OSBPL10: variants seen among roughly 807,000 people sequenced by gnomAD.
OSBPL10 encodes the protein oxysterol binding protein like 10, also known as oxysterol-binding protein-related protein 10.
Under a neutral mutation model 81.7 loss-of-function variants are expected in OSBPL10, and 49 were observed. That is an observed-to-expected ratio of 0.60 (90% CI 0.48 to 0.76). The LOEUF is 0.76. Ranked by LOEUF, OSBPL10 falls within the 30% of genes least tolerant of loss-of-function variation. The probability of loss-of-function intolerance (pLI) is 0.00; values close to 1 mark genes in which losing one functional copy is unlikely to be tolerated. For missense variants in OSBPL10, 923 were observed against 987.8 expected (o/e 0.93, Z 0.88); for synonymous variants, 419 against 383.6 (o/e 1.09, Z -1.08).
chr3:31,766,412 T>C (rs1469869598), intron 4 of OSBPL10, among the ~76,000 whole-genome samples: 2 of 148,142 alleles, frequency 1.4e-5, no homozygotes, highest in East Asian at 4.1e-4. Context: ...GCACAATCAT[T>C]GCTCATTGCA....
intron 6 of OSBPL10, among the ~76,000 whole-genome samples, chr3:31,728,516 C>T (rs780906567): frequency 3.9e-5 from 6 of 152,204 alleles, no homozygotes; most frequent in Admixed American, 1.3e-4. Context: ...TTATCAAATG[C>T]TCTTCAACTA....
In OSBPL10 at chr3:31,867,674, C is replaced by A. The variant is rs572030882; in HGVS notation, c.537+8759G>T. 5.4e-5 allele frequency among the ~76,000 whole-genome samples: 8 copies of A among 147,214 alleles called. No homozygotes were observed. The East Asian group carries it at 1.3e-3, about 23-fold the overall frequency. On this transcript the variant is annotated intron_variant, in intron 3 of 11. Transcript: ENST00000396556. ...AAGAGAATTGCTTGAACCTGGGAGG[C>A]GGAGGTTGCAGTGAGCCAAGATCAG... is the stretch of plus-strand genomic sequence containing the variant.
chr3:31,865,143 T>C (rs1021426178), intron 3 of OSBPL10, among the ~76,000 whole-genome samples: 2 of 152,206 alleles, frequency 1.3e-5, no homozygotes, highest in Non-Finnish European at 2.9e-5. Flanking sequence ...GAACTGTTCA[T>C]TGTGCAAGAG....
intron 4 of OSBPL10, among the ~76,000 whole-genome samples, chr3:31,752,909 C>T (rs938589871): frequency 1.1e-4 from 16 of 152,216 alleles, no homozygotes; most frequent in African/African-American, 3.4e-4. Context: ...ACAAACATTC[C>T]TAATCCTAAA....
intron 4 of OSBPL10, among the ~76,000 whole-genome samples, chr3:31,803,345 T>TA (rs1392765498): frequency 6.6e-6 from 1 of 152,188 alleles, no homozygotes; most frequent in Non-Finnish European, 1.5e-5. Context: ...GCCAAGTCTA[T>TA]AGCACCGTGA....
At chr3:31,740,137 A>G (rs7615996) in intron 5 of OSBPL10, among the ~76,000 whole-genome samples, 86,696 of 150,548 alleles carry the variant, frequency 0.58, 27,428 homozygotes, top group African/African-American at 0.84. Flanking sequence ...TCTGCCTCCC[A>G]TGTTCAAGTG....
At chr3:32,027,100 T>A (rs1699422595) in intron 2 of OSBPL10, among the ~76,000 whole-genome samples, 1 of 152,118 alleles carries the variant, frequency 6.6e-6, no homozygotes, top group Non-Finnish European at 1.5e-5. Context: ...TACATAGGTA[T>A]ACACATACCA....
intron 2 of OSBPL10, among the ~76,000 whole-genome samples, chr3:32,009,281 G>A (rs898064537): frequency 2.6e-5 from 4 of 152,138 alleles, no homozygotes; most frequent in Non-Finnish European, 2.9e-5. Flanking sequence ...ACTTGCAGTC[G>A]TAAGTCATAA....
rs116192286 is a variant in OSBPL10, at chr3:31,914,608, G to A, written c.282-34778C>T. Among the ~76,000 whole-genome samples the A allele has an allele frequency of 2.0e-3, 307 of 152,236 alleles. 1 individual carries two copies. Among genetic ancestry groups the A allele is most frequent in the African/African-American group, 7.2e-3 (301 of 41,528 alleles). ...CCAGTATATGGAATTATTTGAGCCC[G>A]AGACTCTGGATTTTAGTATCAAATT... On this transcript the variant is annotated intron_variant, in intron 1 of 11. Coordinates refer to ENST00000396556, the MANE Select transcript of OSBPL10 (RefSeq NM_017784.5).
intron 4 of OSBPL10, chr3:31,795,534 A>T (rs1414724085): frequency 1.1e-5 from 2 of 185,834 alleles, no homozygotes; most frequent in African/African-American, 4.8e-5. Flanking sequence ...AATGTGGGAA[A>T]TCCTTTAGCA....
At chr3:31,919,758 T>C (rs1470072929) in intron 1 of OSBPL10, among the ~76,000 whole-genome samples, 1 of 152,138 alleles carries the variant, frequency 6.6e-6, no homozygotes, top group African/African-American at 2.4e-5. Context: ...GCTGAGTAAA[T>C]AGCAATCACT....
chr3:32,010,827 T>C (rs1699248985), intron 2 of OSBPL10, among the ~76,000 whole-genome samples: 1 of 152,308 alleles, frequency 6.6e-6, no homozygotes, highest in Middle Eastern at 3.4e-3. Flanking sequence ...CCTGTGCCCA[T>C]GGAGCCTCAC....
intron 1 of OSBPL10, among the ~76,000 whole-genome samples, chr3:31,945,965 A>C (rs375632434): frequency 6.6e-6 from 1 of 150,774 alleles, no homozygotes; most frequent in African/African-American, 2.5e-5. Context: ...ATCAACAGAC[A>C]CTACTAAGTT....
chr3:31,691,956 C>T (rs1290746883), intron 7 of OSBPL10, among the ~76,000 whole-genome samples: 1 of 152,140 alleles, frequency 6.6e-6, no homozygotes, highest in Non-Finnish European at 1.5e-5. Context: ...TTGACTTAGC[C>T]AACCTTTTCC....
chr3:31,878,324 T>C (rs529353780), intron 2 of OSBPL10, among the ~76,000 whole-genome samples: 2 of 152,358 alleles, frequency 1.3e-5, no homozygotes, highest in South Asian at 4.1e-4. Flanking sequence ...TTTCGTCTGC[T>C]ATTGTTTCTG....
chr3:31,768,981 T>C (rs1452415058), intron 4 of OSBPL10, among the ~76,000 whole-genome samples: 1 of 152,058 alleles, frequency 6.6e-6, no homozygotes, highest in East Asian at 1.9e-4. Flanking sequence ...ATGGACACCT[T>C]TGGCAGACAC....
At chr3:31,962,111 C>T (rs755753624) in intron 1 of OSBPL10, among the ~76,000 whole-genome samples, 10 of 152,060 alleles carry the variant, frequency 6.6e-5, no homozygotes, top group Middle Eastern at 3.4e-3. Context: ...CCCACCACCA[C>T]GCCCAGCTAA....
At chr3:32,071,028 T>G (rs750945632) in intron 1 of OSBPL10, among the ~76,000 whole-genome samples, 31 of 152,304 alleles carry the variant, frequency 2.0e-4, no homozygotes, top group Admixed American at 4.6e-4. Flanking sequence ...TCTCACCTTA[T>G]TCAATATATT....
At chr3:31,934,462 G>A (rs1697332912) in intron 1 of OSBPL10, among the ~76,000 whole-genome samples, 2 of 149,118 alleles carry the variant, frequency 1.3e-5, no homozygotes, top group Non-Finnish European at 3.0e-5. Flanking sequence ...AGGCTGGAGT[G>A]CAATGGCACA....
Sources: allele counts gnomAD v4.1 joint callset (sites outside exome capture counted in the v4.1 genomes callset), GRCh38; gene constraint gnomAD v4.1.1; transcripts MANE v1.5; gene names NCBI Gene and HGNC (gene_info 2026-07-23, HGNC 2026-07-21).